PDLIM5: variants seen among roughly 807,000 people sequenced by gnomAD.
PDLIM5 encodes PDZ and LIM domain 5.
PDLIM5 carries 34 observed loss-of-function variants against 64.2 expected under a neutral mutation model. The observed-to-expected ratio is 0.53, with a 90% CI of 0.40 to 0.71. The LOEUF (loss-of-function observed/expected upper bound fraction) is 0.71. Ranked by LOEUF, PDLIM5 falls within the 30% of genes least tolerant of loss-of-function variation. PDLIM5 has a pLI of 0.00. For missense variants in PDLIM5, 683 were observed against 733.6 expected, an observed-to-expected ratio of 0.93 and a Z score of 0.80; for synonymous variants, 253 against 269.1, an observed-to-expected ratio of 0.94 and a Z score of 0.59.
chr4:94,616,678 A>G (rs981233662), intron 7 of PDLIM5, among the ~76,000 whole-genome samples: 2 of 152,202 alleles, frequency 1.3e-5, no homozygotes, highest in East Asian at 1.9e-4. Flanking sequence ...TTTTTATTGT[A>G]TAGCGTGTTT....
At chr4:94,573,257 G>A in intron 3 of PDLIM5, 94 bp from the exon 4 acceptor site, 1 of 867,264 alleles carries the variant, frequency 1.2e-6, no homozygotes, top group Non-Finnish European at 1.8e-6. Context: ...AGTATATTAA[G>A]GCTATATTAT....
chr4:94,539,781 GCA>G (rs1277219828), intron 3 of PDLIM5, among the ~76,000 whole-genome samples: 1 of 152,110 alleles, frequency 6.6e-6, no homozygotes, highest in Non-Finnish European at 1.5e-5. Flanking sequence ...TAGGCAGAGA[GCA>G]CAGCTTAAGC....
chr4:94,583,567 G>A (rs910785686), intron 5 of PDLIM5, among the ~76,000 whole-genome samples: 1 of 152,140 alleles, frequency 6.6e-6, no homozygotes, highest in Non-Finnish European at 1.5e-5. Context: ...GTGTGTTTAT[G>A]AAGAAATGTA....
Position 94,584,689 on chromosome 4 carries a change from A to G in PDLIM5, c.711-876A>G, listed in dbSNP as rs1487737668. ...TTTCAAAATTGTATTCGGAATTGCT[A>G]GTTTAGCCTCTACTAAACCATACTT... On this transcript the variant is annotated intron_variant, in intron 5 of 12. Coordinates refer to ENST00000317968, the MANE Select transcript of PDLIM5 (RefSeq NM_006457.5). 4 of 339,534 alleles carry G rather than the reference A, an allele frequency of 1.2e-5. No homozygotes were observed. The East Asian group carries it at 2.1e-4, about 18-fold the overall frequency. 21.0% of individuals were successfully genotyped at this position (339,534 alleles called of 1,614,324 possible).
At chr4:94,466,076 C>T (rs1481671680) in intron 2 of PDLIM5, among the ~76,000 whole-genome samples, 1 of 152,056 alleles carries the variant, frequency 6.6e-6, no homozygotes, top group Non-Finnish European at 1.5e-5. Flanking sequence ...ATCCTCCTAC[C>T]TCTACCTCAG....
At chr4:94,542,220 G>A (rs1261118066) in intron 3 of PDLIM5, among the ~76,000 whole-genome samples, 2 of 152,118 alleles carry the variant, frequency 1.3e-5, no homozygotes, top group Middle Eastern at 6.3e-3. Context: ...GCTGAGGCAT[G>A]AGAATTGCTT....
intron 11 of PDLIM5, among the ~76,000 whole-genome samples, chr4:94,659,480 GTA>G (rs548646679): frequency 0.43 from 55,163 of 129,750 alleles, 11,843 homozygotes; most frequent in Non-Finnish European, 0.5. Flanking sequence ...AGCAGCTGTA[GTA>G]TATATGTGTG....
At chr4:94,607,248 AT>A (rs1478593201) in intron 7 of PDLIM5, among the ~76,000 whole-genome samples, 1 of 150,038 alleles carries the variant, frequency 6.7e-6, no homozygotes, top group East Asian at 2.0e-4. Context: ...TGACCATTCT[AT>A]TTTTTTATCC....
chr4:94,659,484 ATATGTGTGTATGTG>A lies in PDLIM5; in HGVS notation c.1585+1939_1585+1952del, dbSNP rs1195955126. Among the ~76,000 whole-genome samples the A allele has an allele frequency of 9.6e-4, 129 of 133,802 alleles. 1 individual carries two copies. The highest frequency in any genetic ancestry group is 3.6e-3 in the African/African-American group (125 of 34,508). 87.8% of individuals were successfully genotyped at this position (133,802 alleles called of 152,430 possible). Reference sequence around the variant, plus strand: ...AGCAGGCATAGAGCAGCTGTAGTATATATGTGTGTATGTGTGTGTGTGTGTGTGTGTGTGTGTGT... The same window carrying A: ...AGCAGGCATAGAGCAGCTGTAGTATATGTGTGTGTGTGTGTGTGTGTGTGT... On this transcript the variant is annotated intron_variant, in intron 11 of 12. Transcript: ENST00000317968.
intron 2 of PDLIM5, chr4:94,456,650 A>G: frequency 2.1e-6 from 2 of 941,258 alleles, no homozygotes; most frequent in South Asian, 3.4e-5. Flanking sequence ...ACTGAAGAGT[A>G]TTTGTGGCAT....
chr4:94,617,356 G>T (rs1738861766), intron 7 of PDLIM5, among the ~76,000 whole-genome samples: 1 of 152,150 alleles, frequency 6.6e-6, no homozygotes, highest in Non-Finnish European at 1.5e-5. Context: ...TGGCAGTCTT[G>T]TCTCTTTTTT....
chr4:94,615,752 T>C (rs1190605662), intron 7 of PDLIM5, among the ~76,000 whole-genome samples: 3 of 152,202 alleles, frequency 2.0e-5, no homozygotes, highest in Non-Finnish European at 2.9e-5. Context: ...AAAGCCTCAT[T>C]AGGAACAGAT....
chr4:94,575,002 T>C (rs1301384837), intron 4 of PDLIM5, among the ~76,000 whole-genome samples: 1 of 151,784 alleles, frequency 6.6e-6, no homozygotes, highest in Non-Finnish European at 1.5e-5. Flanking sequence ...AAGTTTTTTT[T>C]TTTTTTTCAA....
chr4:94,471,345 T>G (rs1353974466), intron 2 of PDLIM5, among the ~76,000 whole-genome samples: 1 of 152,138 alleles, frequency 6.6e-6, no homozygotes, highest in Non-Finnish European at 1.5e-5. Context: ...GTAAAAGATT[T>G]TATCTTAGAT....
intron 7 of PDLIM5, among the ~76,000 whole-genome samples, chr4:94,596,234 G>C (rs1737057265): frequency 6.6e-6 from 1 of 152,014 alleles, no homozygotes. Flanking sequence ...TGTTGTTGTT[G>C]TTGTTTACCA....
chr4:94,495,320 G>A (rs1418990264), intron 2 of PDLIM5, among the ~76,000 whole-genome samples: 2 of 152,086 alleles, frequency 1.3e-5, no homozygotes, highest in African/African-American at 2.4e-5. Flanking sequence ...TTGTTTCCGA[G>A]TTTTATACTA....
intron 7 of PDLIM5, among the ~76,000 whole-genome samples, chr4:94,595,517 G>GT (rs1737003574): frequency 6.6e-6 from 1 of 152,238 alleles, no homozygotes; most frequent in Non-Finnish European, 1.5e-5. Flanking sequence ...GAAGAATAGA[G>GT]TTAATGTTAC....
intron 3 of PDLIM5, among the ~76,000 whole-genome samples, chr4:94,560,975 C>T (rs1733790197): frequency 6.6e-6 from 1 of 152,120 alleles, no homozygotes. Context: ...GATCCGCCCG[C>T]CTCGGCCTCC....
At chr4:94,632,280 G>A (rs539549257) in intron 8 of PDLIM5, among the ~76,000 whole-genome samples, 114 of 152,304 alleles carry the variant, frequency 7.5e-4, no homozygotes, top group Middle Eastern at 6.8e-3. Flanking sequence ...GCCTCATTTC[G>A]TGATTCTACA....
Sources: allele counts gnomAD v4.1 joint callset (sites outside exome capture counted in the v4.1 genomes callset), GRCh38; gene constraint gnomAD v4.1.1; transcripts MANE v1.5; gene names NCBI Gene and HGNC (gene_info 2026-07-23, HGNC 2026-07-21).